CAMK1D: variants seen among roughly 807,000 people sequenced by gnomAD.
The protein encoded by CAMK1D is calcium/calmodulin-dependent protein kinase type 1D.
In CAMK1D, 9 loss-of-function variants were observed where a neutral mutation model predicts 47.7. That is an observed-to-expected ratio of 0.19 (90% CI 0.11 to 0.33). The LOEUF (loss-of-function observed/expected upper bound fraction) is 0.33. Ranked by LOEUF, CAMK1D falls within the 10% of genes least tolerant of loss-of-function variation. The pLI is 1.00. For missense variants in CAMK1D, 291 were observed against 488.7 expected (o/e 0.60, Z 3.81); for synonymous variants, 184 against 184.9 (o/e 0.99, Z 0.04).
At chr10:12,503,205 T>C (rs1283779121) in intron 1 of CAMK1D, among the ~76,000 whole-genome samples, 1 of 152,186 alleles carries the variant, frequency 6.6e-6, no homozygotes. Flanking sequence ...TGCATATATG[T>C]ATGTGGGTAG....
intron 1 of CAMK1D, among the ~76,000 whole-genome samples, chr10:12,484,146 A>G (rs1834143243): frequency 2.0e-5 from 3 of 152,240 alleles, no homozygotes; most frequent in African/African-American, 7.2e-5. Context: ...TCTGTCACCC[A>G]TGAGCTTTGC....
At chr10:12,387,445 T>TTATATATATATA (rs373637712) in intron 1 of CAMK1D, among the ~76,000 whole-genome samples, 202 of 66,502 alleles carry the variant, frequency 3.0e-3, no homozygotes, top group African/African-American at 6.3e-3. Flanking sequence ...TATATATATT[T>TTATATATATATA]TATATATATA....
intron 1 of CAMK1D, among the ~76,000 whole-genome samples, chr10:12,445,377 C>T (rs1832896988): frequency 1.3e-5 from 2 of 152,188 alleles, no homozygotes; most frequent in Admixed American, 6.6e-5. Context: ...GAAACCTCAC[C>T]TTGGAGAATG....
At chr10:12,615,603 C>T (rs1347920948) in intron 2 of CAMK1D, among the ~76,000 whole-genome samples, 1 of 146,612 alleles carries the variant, frequency 6.8e-6, no homozygotes, top group Non-Finnish European at 1.5e-5. Context: ...ATTGTGTTTG[C>T]AAGTATGTAT....
At chr10:12,610,657 C>T (rs968177411) in intron 2 of CAMK1D, among the ~76,000 whole-genome samples, 11 of 152,212 alleles carry the variant, frequency 7.2e-5, no homozygotes, top group African/African-American at 1.4e-4. Flanking sequence ...TTGTCAGGGA[C>T]GGTCTTCACA....
chr10:12,528,950 C>T (rs929215525), intron 1 of CAMK1D, among the ~76,000 whole-genome samples: 1 of 150,712 alleles, frequency 6.6e-6, no homozygotes, highest in Admixed American at 6.6e-5. Flanking sequence ...CCTTGTTGCC[C>T]AGGCTGGTCT....
chr10:12,537,038 A>G (rs541953668), intron 1 of CAMK1D, among the ~76,000 whole-genome samples: 28 of 152,196 alleles, frequency 1.8e-4, no homozygotes, highest in African/African-American at 5.1e-4. Flanking sequence ...AACTTTTACT[A>G]GGAATCTCTG....
At chr10:12,637,103 T>C (rs1415259451) in intron 2 of CAMK1D, among the ~76,000 whole-genome samples, 1 of 151,920 alleles carries the variant, frequency 6.6e-6, no homozygotes, top group Non-Finnish European at 1.5e-5. Flanking sequence ...TCCCAAGTAG[T>C]TGGGATTATA....
chr10:12,614,758 GGCTTATTCACCATGT>G (rs1838731484), intron 2 of CAMK1D, among the ~76,000 whole-genome samples: 1 of 152,136 alleles, frequency 6.6e-6, no homozygotes, highest in African/African-American at 2.4e-5. Context: ...CCCTCCACAA[GGCTTATTCACCATGT>G]GCTCTAGGGC....
At chr10:12,812,139 C>T (rs893743710) in intron 6 of CAMK1D, among the ~76,000 whole-genome samples, 5 of 152,356 alleles carry the variant, frequency 3.3e-5, no homozygotes, top group South Asian at 4.1e-4. Flanking sequence ...TGAGGAATGG[C>T]GGTACCAAGG....
At chr10:12,434,935 A>G (rs1013920858) in intron 1 of CAMK1D, among the ~76,000 whole-genome samples, 2 of 151,994 alleles carry the variant, frequency 1.3e-5, no homozygotes, top group African/African-American at 2.4e-5. Flanking sequence ...AGGGGAGGGA[A>G]GGCTGGGCGC....
intron 2 of CAMK1D, among the ~76,000 whole-genome samples, chr10:12,661,380 C>G (rs1023892456): frequency 6.6e-6 from 1 of 152,210 alleles, no homozygotes; most frequent in African/African-American, 2.4e-5. Context: ...TAGATTGAAT[C>G]TCAGCAATGA....
At chr10:12,554,304 T>C (rs2478972) in intron 2 of CAMK1D, among the ~76,000 whole-genome samples, 109,995 of 123,164 alleles carry the variant, frequency 0.89, 50,748 homozygotes, top group Non-Finnish European at 0.93. Context: ...TACAGGCATC[T>C]GCCATCATGC....
chr10:12,785,252 G>C (rs573309106), intron 5 of CAMK1D, among the ~76,000 whole-genome samples: 40 of 152,310 alleles, frequency 2.6e-4, no homozygotes, highest in South Asian at 1.7e-3. Flanking sequence ...TGTCATTTGA[G>C]GGGATGTGCC....
intron 2 of CAMK1D, among the ~76,000 whole-genome samples, chr10:12,623,070 T>G (rs1405207461): frequency 3.0e-5 from 3 of 98,832 alleles, no homozygotes; most frequent in African/African-American, 1.2e-4. Flanking sequence ...CCTCCCTTCC[T>G]CCCTTCCTTC....
chr10:12,375,292 G>A (rs1838144050), intron 1 of CAMK1D, among the ~76,000 whole-genome samples: 1 of 152,164 alleles, frequency 6.6e-6, no homozygotes, highest in African/African-American at 2.4e-5. Flanking sequence ...GGTTTAGAGA[G>A]CCTGCTTTTC....
intron 1 of CAMK1D, among the ~76,000 whole-genome samples, chr10:12,547,864 A>G (rs1242213218): frequency 6.6e-6 from 1 of 152,208 alleles, no homozygotes; most frequent in Non-Finnish European, 1.5e-5. Context: ...ATCCTTTAAG[A>G]AGACCAGAGA....
chr10:12,590,117 G>C (rs1837952995), intron 2 of CAMK1D, among the ~76,000 whole-genome samples: 1 of 152,196 alleles, frequency 6.6e-6, no homozygotes, highest in African/African-American at 2.4e-5. Context: ...AGCACTTTCT[G>C]TCTCATTTTA....
At chr10:12,637,475 A>G (rs755589566) in intron 2 of CAMK1D, among the ~76,000 whole-genome samples, 12 of 152,100 alleles carry the variant, frequency 7.9e-5, no homozygotes, top group Non-Finnish European at 1.8e-4. Context: ...AAACGCATGG[A>G]CGTATGACAT....
Sources: allele counts gnomAD v4.1 joint callset (sites outside exome capture counted in the v4.1 genomes callset), GRCh38; gene constraint gnomAD v4.1.1; transcripts MANE v1.5; gene names NCBI Gene and HGNC (gene_info 2026-07-23, HGNC 2026-07-21).